The following RTL1 variants were observed in gnomAD, a reference collection of about 807,000 sequenced individuals.
RTL1 encodes the protein retrotransposon Gag like 1.
For synonymous variants in RTL1, 727 were observed against 748.4 expected (o/e 0.97, Z 0.47); for missense variants, 1,681 against 1,767.5 (o/e 0.95, Z 0.88).
At chr14:100,888,483 T>G (rs1273401332) in intron 3 of RTL1, among the ~76,000 whole-genome samples, 4 of 151,864 alleles carry the variant, frequency 2.6e-5, no homozygotes, top group Admixed American at 2.0e-4. Context: ...TCCAAAGTTA[T>G]TAACATGATA....
chr14:100,893,655 C>T lies in RTL1; in HGVS notation c.-148-150G>A, dbSNP rs2038812629. ...TGCCTTTCTGTTGTGAGCTTTTTTC[C>T]ACGTGGCTACGTTGGGGACCTCCGT... On this transcript the variant is annotated intron_variant, in intron 2 of 3. Transcript: ENST00000649591. The surrounding 1 kb of genome is among the most constrained non-coding windows in gnomAD (Gnocchi z 4.2). 6.6e-6 allele frequency among the ~76,000 whole-genome samples: 1 copy of T among 152,246 alleles called. No homozygotes were observed. The highest frequency in any genetic ancestry group is 2.4e-5 in the African/African-American group (1 of 41,464).
rs1215258412 is a variant in RTL1, at chr14:100,883,973, C to T, written c.816G>A (p.Glu272=). 1 of 1,551,588 alleles carries T rather than the reference C, an allele frequency of 6.4e-7. No homozygotes were observed. Among genetic ancestry groups the T allele is most frequent in the Non-Finnish European group, 8.7e-7 (1 of 1,147,004 alleles). ...GGTACTCAAACACTTCGGACATGGC[C>T]TCCAGGAAGGCTGGGAAGTCTCCGA... The part of the protein sequence containing the change: ...PLIGDFPAFL[E]AMSEVFEYRQ... Residue 272 remains glutamate, a synonymous_variant, in exon 4 of 4, where the codon GAG becomes GAA. Coordinates refer to ENST00000649591, the MANE Select transcript of RTL1 (RefSeq NM_001134888.3). This position sits in a 1 kb window ranked among gnomAD's most constrained non-coding sequence, Gnocchi z 5.9.
intron 3 of RTL1, among the ~76,000 whole-genome samples, chr14:100,892,246 C>T (rs2038789579): frequency 6.6e-6 from 1 of 151,800 alleles, no homozygotes; most frequent in Non-Finnish European, 1.5e-5. Context: ...TGGAGCTGTT[C>T]TTAGAGTAGG....
rs1566753374 is a variant in RTL1, at chr14:100,882,678, GCA to G, written c.2109_2110del (p.Ser706ProfsTer210). On this transcript the variant is annotated frameshift_variant, in exon 4 of 4. Coordinates refer to ENST00000649591, the MANE Select transcript of RTL1 (RefSeq NM_001134888.3). LOFTEE classifies it low-confidence loss of function (END_TRUNC). ...AGGTATGATAGGGTCTGGGGAGAGC[GCA>G]AACGGCTGGTAGCTCTTCATCTCTT... is the stretch of plus-strand genomic sequence containing the variant. 1 of 1,551,890 alleles carries G rather than the reference GCA, an allele frequency of 6.4e-7. No individual in the cohort carries two copies. The highest frequency in any genetic ancestry group is 8.7e-7 in the Non-Finnish European group (1 of 1,147,066).
In RTL1 at chr14:100,884,270, C is replaced by T. The variant is rs1227835023; in HGVS notation, c.519G>A (p.Leu173=). 3.2e-6 allele frequency: 5 copies of T among 1,551,786 alleles called. No homozygotes were observed. Among genetic ancestry groups the T allele is most frequent in the African/African-American group, 2.7e-5 (2 of 73,176 alleles). Residue 173 remains leucine (L), a synonymous_variant, in exon 4 of 4, where the codon CTG becomes CTA. Coordinates refer to ENST00000649591, the MANE Select transcript of RTL1 (RefSeq NM_001134888.3). ...LMAMVRSIIS[L]YFRMQDLKEQ... ...CTTTGAGGTCTTGCATTCGGAAGTA[C>T]AGCGAGATGATGGACCTCACCATGG...
At chr14:100,888,115 G>A (rs1395097780) in intron 3 of RTL1, among the ~76,000 whole-genome samples, 2 of 152,074 alleles carry the variant, frequency 1.3e-5, no homozygotes, top group Non-Finnish European at 2.9e-5. Context: ...ACATCCGAAC[G>A]CCTCTGCATG....
rs1444263193 is a variant in RTL1, at chr14:100,883,871, A to G, written c.918T>C (p.Asp306=). The G allele has an allele frequency of 6.4e-7, 1 of 1,551,578 alleles. No homozygotes were observed. Among genetic ancestry groups the G allele is most frequent in the Non-Finnish European group, 8.7e-7 (1 of 1,146,964 alleles). The change falls in exon 4 of 4, where the codon GAT becomes GAC. Residue 306 remains aspartate (D), a synonymous_variant. Transcript: ENST00000649591. This position sits in a 1 kb window ranked among gnomAD's most constrained non-coding sequence, Gnocchi z 5.9. ...AGATGGGTACCAGGCTCTGGAACTC[A>G]TCGATGTACTCAGTGGCAGAGCGGC... The part of the protein sequence containing the change: ...QGGRSATEYI[D]EFQSLVPILG...
chr14:100,897,696 T>A (rs2038879727), intron 2 of RTL1: 1 of 232,128 alleles, frequency 4.3e-6, no homozygotes, highest in Non-Finnish European at 8.5e-6. Flanking sequence ...ACACCAGAGT[T>A]TATTTAACCA....
intron 3 of RTL1, among the ~76,000 whole-genome samples, chr14:100,887,730 A>T (rs2038713317): frequency 6.7e-6 from 1 of 149,818 alleles, no homozygotes; most frequent in Non-Finnish European, 1.5e-5. Context: ...AGCTTGGGCA[A>T]CAGAGGGAGA....
At chr14:100,899,912 G>A (rs576631952) in intron 2 of RTL1, among the ~76,000 whole-genome samples, 14 of 152,280 alleles carry the variant, frequency 9.2e-5, no homozygotes, top group African/African-American at 3.4e-4. Flanking sequence ...AGGGCAGGGA[G>A]ACCCAACAGA....
In RTL1 at chr14:100,881,055, T is replaced by G. The variant is rs748180365; in HGVS notation, c.3734A>C (p.Gln1245Pro). The G allele has an allele frequency of 6.2e-7, 1 of 1,602,958 alleles. No individual in the cohort carries two copies. Among genetic ancestry groups the G allele is most frequent in the Non-Finnish European group, 8.5e-7 (1 of 1,174,944 alleles). Residue 1245 changes from glutamine (Q) to proline (P), a missense_variant, in exon 4 of 4, where the codon CAG becomes CCG. Physicochemically the swap from Gln to Pro is moderately conservative, Grantham distance 76 (BLOSUM62 -1). Coordinates refer to ENST00000649591, the MANE Select transcript of RTL1 (RefSeq NM_001134888.3). The surrounding 1 kb of genome is among the most constrained non-coding windows in gnomAD (Gnocchi z 6.6). ...ALQDDLQRYR[Q>P]CGLHDGLQDT... ...TTGCAGGCCGTCATGCAGGCCACACTGACGGTAACGTTGCAGGTCGTCTTG... is the reference window on the plus strand; with the variant it reads ...TTGCAGGCCGTCATGCAGGCCACACGGACGGTAACGTTGCAGGTCGTCTTG...
chr14:100,890,632 C>G (rs1037255199), intron 3 of RTL1, among the ~76,000 whole-genome samples: 1 of 152,104 alleles, frequency 6.6e-6, no homozygotes, highest in Non-Finnish European at 1.5e-5. Flanking sequence ...CCTCCAGAAA[C>G]TAGCCCAGTC....
At chr14:100,898,862 A>C (rs2038904458) in intron 2 of RTL1, 1 of 152,118 alleles carries the variant, frequency 6.6e-6, no homozygotes, top group Admixed American at 6.5e-5. Context: ...CCTCATTGAC[A>C]TTTTTTTCCC....
At chr14:100,888,715 T>G (rs2038727420) in intron 3 of RTL1, among the ~76,000 whole-genome samples, 2 of 152,356 alleles carry the variant, frequency 1.3e-5, no homozygotes, top group South Asian at 4.1e-4. Context: ...TTAGAAAGTT[T>G]TATTGGCTAA....
In RTL1 at chr14:100,883,427, C is replaced by T. The variant is rs34163305; in HGVS notation, c.1362G>A (p.Pro454=). Residue 454 remains proline, a synonymous_variant, in exon 4 of 4, where the codon CCG becomes CCA. Transcript: ENST00000649591. The surrounding 1 kb of genome is among the most constrained non-coding windows in gnomAD (Gnocchi z 5.9). ...CCACGGATTGGACCGGCTGTGGGTACGGCTTCTCGTAGAGCTCGACGTAGT... is the reference window on the plus strand; with the variant it reads ...CCACGGATTGGACCGGCTGTGGGTATGGCTTCTCGTAGAGCTCGACGTAGT... ...QEHYVELYEK[P]YPQPVQSVDG... 0.21 allele frequency: 325,663 copies of T among 1,549,836 alleles called. 37,867 individuals carry two copies. Among genetic ancestry groups the T allele is most frequent in the Middle Eastern group, 0.26 (1,584 of 5,992 alleles).
intron 3 of RTL1, among the ~76,000 whole-genome samples, chr14:100,889,935 C>T (rs1414627866): frequency 6.6e-6 from 1 of 152,198 alleles, no homozygotes; most frequent in Non-Finnish European, 1.5e-5. Context: ...CCTGCCATAG[C>T]CTGGGCCCTG....
Position 100,884,467 on chromosome 14 carries a change from G to C in RTL1, c.322C>G (p.Gln108Glu). The C allele has an allele frequency of 6.2e-7, 1 of 1,614,166 alleles. No homozygotes were observed. The highest frequency in any genetic ancestry group is 8.5e-7 in the Non-Finnish European group (1 of 1,180,030). ...DLEESCNGSHQARGDPLSGAS... is the reference protein window; with the variant it reads ...DLEESCNGSHEARGDPLSGAS... The stretch of plus-strand genomic sequence containing the variant: ...CCACTGAGTGGATCCCCCCTTGCCT[G>C]GTGTGAACCGTTGCATGACTCCTCC... Residue 108 changes from glutamine (Q) to glutamate (E), a missense_variant, in exon 4 of 4, where the codon CAG (glutamine) becomes GAG (glutamate). Gln to Glu is a conservative substitution (Grantham distance 29). Transcript: ENST00000649591.
In RTL1 at chr14:100,884,201, A is replaced by G. The variant is rs1008786788; in HGVS notation, c.588T>C (p.Asn196=). The change falls in exon 4 of 4, where the codon AAT becomes AAC. Residue 196 remains asparagine (N), a synonymous_variant. Transcript: ENST00000649591. ...GCTTTGGGGCGGGCAGTTGGCCTGC[A>G]TTGATCCCTTTGATCAAGATCTCTT... ...VAEEILIKGI[N]AGQLPAPKHF... is the part of the protein sequence containing the mutation. The G allele has an allele frequency of 6.4e-7, 1 of 1,551,606 alleles. No homozygotes were observed. The highest frequency in any genetic ancestry group is 1.4e-5 in the African/African-American group (1 of 73,048).
Position 100,881,534 on chromosome 14 carries a change from G to A in RTL1, c.3255C>T (p.Tyr1085=). 1.3e-6 allele frequency: 2 copies of A among 1,551,736 alleles called. No homozygotes were observed. The highest frequency in any genetic ancestry group is 1.7e-6 in the Non-Finnish European group (2 of 1,147,018). Residue 1085 remains tyrosine, a synonymous_variant, in exon 4 of 4, where the codon TAC becomes TAT. Coordinates refer to ENST00000649591, the MANE Select transcript of RTL1 (RefSeq NM_001134888.3). This position sits in a 1 kb window ranked among gnomAD's most constrained non-coding sequence, Gnocchi z 6.6. ...VILHFFRGLL[Y]WKNTLALAAI... ...CTGCCAGGGCTAGGGTGTTCTTCCAGTACAGGAGGCCTCGGAAGAAGTGCA... is the reference window on the plus strand; with the variant it reads ...CTGCCAGGGCTAGGGTGTTCTTCCAATACAGGAGGCCTCGGAAGAAGTGCA...
Sources: gnomAD v4.1 joint callset for allele counts (sites outside exome capture counted in the v4.1 genomes callset) on GRCh38, gnomAD v4.1.1 for gene constraint, Gnocchi (gnomAD v3.1) non-coding constraint, MANE v1.5 for transcripts, NCBI Gene and HGNC (gene_info 2026-07-23, HGNC 2026-07-21) for gene names.